Variants in ADGRL2 observed in about 807,000 individuals in gnomAD.
ADGRL2 encodes calcium-independent alpha-latrotoxin receptor 2.
In ADGRL2, 44 loss-of-function variants were observed where a neutral mutation model predicts 157.4. The ratio of observed to expected loss-of-function variants is 0.28; its 90% CI spans 0.22 to 0.36. The LOEUF (loss-of-function observed/expected upper bound fraction) is 0.36, where lower values mean the gene tolerates loss of function less well. ADGRL2 is among the 10% of genes least tolerant of loss of function. The pLI is 1.00. For synonymous variants in ADGRL2, 585 were observed against 624.7 expected (o/e 0.94, Z 0.95); for missense variants, 1,510 against 1,768.9 (o/e 0.85, Z 2.63).
chr1:81,408,493 G>A (rs1036486856), intron 1 of ADGRL2, among the ~76,000 whole-genome samples: 19 of 134,096 alleles, frequency 1.4e-4, no homozygotes, highest in African/African-American at 4.6e-4. Flanking sequence ...TAACATTAGC[G>A]TACAAACCAC....
chr1:81,731,028 A>G (rs2149176913), intron 1 of ADGRL2, among the ~76,000 whole-genome samples: 1 of 152,304 alleles, frequency 6.6e-6, no homozygotes, highest in South Asian at 2.1e-4. Flanking sequence ...TAGTTTATTT[A>G]TTACTTCCTC....
chr1:81,583,302 AGATCTGAATAAAGGT>A (rs2080955229), intron 3 of ADGRL2, among the ~76,000 whole-genome samples: 1 of 152,194 alleles, frequency 6.6e-6, no homozygotes, highest in Non-Finnish European at 1.5e-5. Flanking sequence ...ATTTTGTTCA[AGATCTGAATAAAGGT>A]GGTAGTTCAT....
rs573911214 is a variant in ADGRL2 at position 81,488,963 on chromosome 1, C to A, written c.-248+43874C>A. Among the ~76,000 whole-genome samples the A allele has an allele frequency of 2.4e-4, 36 of 152,186 alleles. No homozygotes were observed. The South Asian group carries it at 3.1e-3, about 13-fold the overall frequency. On this transcript the variant is annotated intron_variant, in intron 2 of 24. Coordinates refer to the ADGRL2 transcript ENST00000370721. ...AAGAGATGGAAAATCTGGCTGGGTG[C>A]AGTGGCTCACACCTGTAATCCCAGC...
chr1:81,395,641 C>T (rs573228540), intron 1 of ADGRL2, among the ~76,000 whole-genome samples: 1 of 152,088 alleles, frequency 6.6e-6, no homozygotes, highest in South Asian at 2.1e-4. Context: ...AAGTGGTTTC[C>T]CTTATGTTTT....
intron 1 of ADGRL2, among the ~76,000 whole-genome samples, chr1:81,420,269 G>C (rs560172208): frequency 6.6e-6 from 1 of 152,158 alleles, no homozygotes; most frequent in Admixed American, 6.5e-5. Flanking sequence ...CCCTCCAAAG[G>C]ACTTCAATCT....
intron 2 of ADGRL2, among the ~76,000 whole-genome samples, chr1:81,841,957 G>A (rs1356812283): frequency 6.6e-6 from 1 of 152,154 alleles, no homozygotes; most frequent in African/African-American, 2.4e-5. Flanking sequence ...ATGGTTGCAT[G>A]TGTGTTAGGA....
At chr1:81,398,359 GT>G (rs1292429215) in intron 1 of ADGRL2, among the ~76,000 whole-genome samples, 1 of 152,000 alleles carries the variant, frequency 6.6e-6, no homozygotes, top group Non-Finnish European at 1.5e-5. Flanking sequence ...TTTCCTGGTT[GT>G]TTTTATACCT....
intron 2 of ADGRL2, among the ~76,000 whole-genome samples, chr1:81,562,208 G>T (rs1346990245): frequency 6.6e-6 from 1 of 152,042 alleles, no homozygotes; most frequent in African/African-American, 2.4e-5. Context: ...GCAAAAAGAG[G>T]CCCTCAAGGA....
intron 3 of ADGRL2, among the ~76,000 whole-genome samples, chr1:81,675,556 A>G (rs1028222072): frequency 6.7e-5 from 10 of 149,386 alleles, no homozygotes; most frequent in African/African-American, 2.5e-4. Context: ...TTGTCCAGGC[A>G]TTGGAAAAAT....
chr1:81,525,845 T>C (rs1227077146), intron 2 of ADGRL2, among the ~76,000 whole-genome samples: 1 of 152,238 alleles, frequency 6.6e-6, no homozygotes, highest in Admixed American at 6.5e-5. Flanking sequence ...TGATTTTCTT[T>C]ACAACTTTCA....
At chr1:81,577,926 A>G (rs1453850455) in intron 2 of ADGRL2, among the ~76,000 whole-genome samples, 1 of 152,176 alleles carries the variant, frequency 6.6e-6, no homozygotes, top group East Asian at 1.9e-4. Flanking sequence ...AAAGGTGCAA[A>G]CCATTAGGAA....
Position 81,703,456 on chromosome 1 carries a change from GAGA to G in ADGRL2, c.-143+3651_-143+3653del, listed in dbSNP as rs1453193661. On this transcript the variant is annotated intron_variant, in intron 1 of 20. Coordinates refer to the ADGRL2 transcript ENST00000359929. Reference sequence around the variant, plus strand: ...TTGTTGTTGTTGTCTTATTCCAAGAGAGAAGGACAGGAAAAGAGGATGGTGTCA... The same window carrying G: ...TTGTTGTTGTTGTCTTATTCCAAGAGAGGACAGGAAAAGAGGATGGTGTCA... Among the ~76,000 whole-genome samples the G allele has an allele frequency of 5.9e-5, 9 of 152,166 alleles. No individual in the cohort carries two copies. The East Asian group carries it at 1.7e-3, about 30-fold the overall frequency.
intron 3 of ADGRL2, among the ~76,000 whole-genome samples, chr1:81,670,562 G>A (rs1016315899): frequency 6.6e-6 from 1 of 152,166 alleles, no homozygotes; most frequent in Non-Finnish European, 1.5e-5. Flanking sequence ...GTGAATGGAG[G>A]AAGAGAAAAT....
At chr1:81,940,131 T>C (rs1443535549) in intron 4 of ADGRL2, among the ~76,000 whole-genome samples, 4 of 151,640 alleles carry the variant, frequency 2.6e-5, no homozygotes, top group African/African-American at 9.6e-5. Flanking sequence ...GAAAGCAAAA[T>C]ACACTTTCTA....
At chr1:81,776,566 C>T (rs2086596023) in intron 2 of ADGRL2, among the ~76,000 whole-genome samples, 1 of 152,136 alleles carries the variant, frequency 6.6e-6, no homozygotes, top group East Asian at 1.9e-4. Context: ...AAAACATTGC[C>T]ATATTCCCAG....
intron 1 of ADGRL2, among the ~76,000 whole-genome samples, chr1:81,391,144 G>A (rs1315905717): frequency 1.3e-5 from 2 of 152,302 alleles, no homozygotes; most frequent in Non-Finnish European, 2.9e-5. Flanking sequence ...ATAAATAAAT[G>A]CCCTTATCTG....
intron 1 of ADGRL2, among the ~76,000 whole-genome samples, chr1:81,358,417 A>C (rs2075908522): frequency 6.6e-6 from 1 of 152,186 alleles, no homozygotes; most frequent in African/African-American, 2.4e-5. Flanking sequence ...CATTGAATCC[A>C]GATTTTCCAG....
intron 1 of ADGRL2, among the ~76,000 whole-genome samples, chr1:81,703,428 T>C (rs944126952): frequency 1.3e-5 from 2 of 152,074 alleles, no homozygotes; most frequent in Non-Finnish European, 2.9e-5. Context: ...TTTTCTGTTG[T>C]TGTTGTTGTT....
chr1:81,826,293 T>C (rs1328720109), intron 1 of ADGRL2, among the ~76,000 whole-genome samples: 3 of 152,250 alleles, frequency 2.0e-5, no homozygotes, highest in South Asian at 4.1e-4. Context: ...TTGAAGGTTA[T>C]ATGTATAATT....
Sources: allele counts gnomAD v4.1 joint callset (sites outside exome capture counted in the v4.1 genomes callset), GRCh38; gene constraint gnomAD v4.1.1; transcripts MANE v1.5; gene names NCBI Gene and HGNC (gene_info 2026-07-23, HGNC 2026-07-21).